The following FBXO39 variants were observed in gnomAD, a reference collection of about 807,000 sequenced individuals.
FBXO39 encodes the protein F-box protein 39.
FBXO39 carries 22 observed loss-of-function variants against 36.6 expected under a neutral mutation model. The ratio of observed to expected loss-of-function variants is 0.60; its 90% confidence interval spans 0.43 to 0.86. The LOEUF is 0.86. Ranked by LOEUF, FBXO39 falls within the 40% of genes least tolerant of loss-of-function variation. FBXO39 has a pLI of 0.00. For missense variants in FBXO39, 536 were observed against 543.9 expected (o/e 0.99, Z 0.14); for synonymous variants, 206 against 205.8 (o/e 1.00, Z -0.01).
chr17:6,782,196 G>A (rs1976516688), intron 2 of FBXO39, among the ~76,000 whole-genome samples: 1 of 152,112 alleles, frequency 6.6e-6, no homozygotes, highest in African/African-American at 2.4e-5. Flanking sequence ...ATGCAATAGT[G>A]TTAAGTTGTC....
chr17:6,783,620 G>A (rs1461720607), intron 2 of FBXO39, among the ~76,000 whole-genome samples: 1 of 152,004 alleles, frequency 6.6e-6, no homozygotes, highest in Non-Finnish European at 1.5e-5. Flanking sequence ...CCTATAACGA[G>A]CAACTATATG....
chr17:6,787,591 GA>G lies in FBXO39; in HGVS notation c.*164del. 1 of 695,810 alleles carries G rather than the reference GA, an allele frequency of 1.4e-6. No homozygotes were observed. The highest frequency in any genetic ancestry group is 2.3e-6 in the Non-Finnish European group (1 of 430,234). 43.1% of individuals were successfully genotyped at this position (695,810 alleles called of 1,614,324 possible). Reference sequence around the variant, plus strand: ...ACATGACCAGCTCAGCAAAGGCTGAGACTGCCCATGACCTGAAGGCTCCAGG... The same window carrying G: ...ACATGACCAGCTCAGCAAAGGCTGAGCTGCCCATGACCTGAAGGCTCCAGG... On this transcript the variant is annotated 3_prime_UTR_variant, in exon 4 of 4. Coordinates refer to ENST00000321535, the MANE Select transcript of FBXO39 (RefSeq NM_153230.3).
At position 6,780,667 on chromosome 17, in the gene FBXO39, G is replaced by T; in HGVS notation, c.799G>T (p.Val267Phe). The T allele has an allele frequency of 3.1e-6, 5 of 1,614,152 alleles. No individual in the cohort carries two copies. Among genetic ancestry groups the T allele is most frequent in the Non-Finnish European group, 4.2e-6 (5 of 1,180,042 alleles). Reference sequence around the variant, plus strand: ...CCACGTTCATGACCCCCACGGACAGGTCATCTGGGGTATGTCCTGGGCCAA... The same window carrying T: ...CCACGTTCATGACCCCCACGGACAGTTCATCTGGGGTATGTCCTGGGCCAA... ...KCHVHDPHGQ[V>F]IWGMSWAKLA... The change falls in exon 2 of 4, where the codon GTC (valine) becomes TTC (phenylalanine). Residue 267 changes from valine (V) to phenylalanine (F), a missense_variant. By Grantham distance (50) the Val-to-Phe change is conservative. Transcript: ENST00000321535.
At chr17:6,787,150 C>T (rs1416055645) in intron 3 of FBXO39, 150 bp from the exon 4 acceptor site, 10 of 1,367,892 alleles carry the variant, frequency 7.3e-6, no homozygotes, top group African/African-American at 1.5e-5. Flanking sequence ...ATTCTGCCAA[C>T]ATATTTTCCT....
rs1223419376 is a variant in FBXO39 at position 6,780,092 on chromosome 17, T to C, written c.224T>C (p.Val75Ala). ...CCTTCCAGGGTACATGCATCTGAAGTTGAGTCAGCTGTTTGGTATGTTAAG... is the reference window on the plus strand; with the variant it reads ...CCTTCCAGGGTACATGCATCTGAAGCTGAGTCAGCTGTTTGGTATGTTAAG... Reference protein sequence around the residue: ...GRPSRVHASEVESAVWYVKKF... With the variant: ...GRPSRVHASEAESAVWYVKKF... The change falls in exon 2 of 4, where the codon GTT (valine) becomes GCT (alanine). Residue 75 changes from valine (V) to alanine (A), a missense_variant. Transcript: ENST00000321535. 3.1e-6 allele frequency: 5 copies of C among 1,614,034 alleles called. No individual in the cohort carries two copies. In the South Asian group the frequency reaches 3.3e-5, roughly 11 times the overall value.
Position 6,780,559 on chromosome 17 carries a change from C to G in FBXO39, c.691C>G (p.Leu231Val). The change falls in exon 2 of 4, where the codon CTC (leucine) becomes GTC (valine). Residue 231 changes from leucine to valine, a missense_variant. Leu to Val is a conservative substitution (Grantham distance 32, BLOSUM62 1). Coordinates refer to ENST00000321535, the MANE Select transcript of FBXO39 (RefSeq NM_153230.3). ...STFHNLVSLN[L>V]NYNCISDELL... is the part of the protein sequence containing the mutation. ...ATTCCACAATCTTGTGTCCCTGAAC[C>G]TCAACTACAACTGTATCTCCGACGA... 6.2e-7 allele frequency: 1 copy of G among 1,614,044 alleles called. No homozygotes were observed. The highest frequency in any genetic ancestry group is 8.5e-7 in the Non-Finnish European group (1 of 1,180,024).
intron 1 of FBXO39, among the ~76,000 whole-genome samples, chr17:6,777,140 A>G (rs6502982): frequency 0.44 from 66,563 of 151,716 alleles, 15,933 homozygotes; most frequent in African/African-American, 0.64. Context: ...TGTGCAGAAC[A>G]TGCAGGTTTG....
intron 2 of FBXO39, among the ~76,000 whole-genome samples, chr17:6,783,490 A>G (rs2099713874): frequency 6.6e-6 from 1 of 151,998 alleles, no homozygotes; most frequent in Non-Finnish European, 1.5e-5. Context: ...AAAATAAACA[A>G]AATTAACAAA....
Position 6,786,867 on chromosome 17 carries a change from T to C in FBXO39, c.1111T>C (p.Phe371Leu), listed in dbSNP as rs1200076502. 2.2e-5 allele frequency: 36 copies of C among 1,613,996 alleles called. No individual in the cohort carries two copies. Among genetic ancestry groups the C allele is most frequent in the Non-Finnish European group, 3.0e-5 (35 of 1,180,004 alleles). ...CATATCCTGCAGGAAGTTGTTTTAC[T>C]TCAAAATCTGGGCTTTCCTTGATGT... ...LIISCRKLFY[F>L]KIWAFLDVSF... The change falls in exon 3 of 4, where the codon TTC (phenylalanine) becomes CTC (leucine). Residue 371 changes from phenylalanine (F) to leucine (L), a missense_variant. Transcript: ENST00000321535.
chr17:6,787,610 G>A lies in FBXO39; in HGVS notation c.*182G>A. On this transcript the variant is annotated 3_prime_UTR_variant, in exon 4 of 4. Transcript: ENST00000321535. Reference sequence around the variant, plus strand: ...GGCTGAGACTGCCCATGACCTGAAGGCTCCAGGTGGCTTTAAAGCGCTATG... The same window carrying A: ...GGCTGAGACTGCCCATGACCTGAAGACTCCAGGTGGCTTTAAAGCGCTATG... The A allele has an allele frequency of 1.8e-6, 1 of 569,640 alleles. No homozygotes were observed. The highest frequency in any genetic ancestry group is 3.1e-5 in the Admixed American group (1 of 32,118). The allele number at this position is 569,640 out of a possible 1,614,324, so 35.3% of individuals were successfully genotyped here. A position where few individuals can be genotyped will look rare whatever the true frequency, so the allele number is the denominator to read the frequency against.
intron 1 of FBXO39, among the ~76,000 whole-genome samples, chr17:6,778,437 A>T (rs190362945): frequency 1.2e-4 from 18 of 152,314 alleles, no homozygotes; most frequent in African/African-American, 3.8e-4. Flanking sequence ...AGTACAGAAG[A>T]AAGAGTCAAA....
intron 2 of FBXO39, among the ~76,000 whole-genome samples, chr17:6,785,026 GA>G (rs1976553842): frequency 6.7e-6 from 1 of 149,678 alleles, no homozygotes; most frequent in African/African-American, 2.5e-5. Context: ...CAAAACTGTA[GA>G]AACCACATTA....
Position 6,779,917 on chromosome 17 carries a change from G to C in FBXO39, c.49G>C (p.Ala17Pro). 1 of 1,614,194 alleles carries C rather than the reference G, an allele frequency of 6.2e-7. No individual in the cohort carries two copies. Among genetic ancestry groups the C allele is most frequent in the Non-Finnish European group, 8.5e-7 (1 of 1,180,038 alleles). Reference sequence around the variant, plus strand: ...CCAGCCCCAAGACCAGAGCTGCTGGGCCTTTCTGCCCGATTTGTGTCTGTG... The same window carrying C: ...CCAGCCCCAAGACCAGAGCTGCTGGCCCTTTCTGCCCGATTTGTGTCTGTG... ...LIQPQDQSCW[A>P]FLPDLCLCRV... The change falls in exon 2 of 4, where the codon GCC becomes CCC. Residue 17 changes from alanine (A) to proline (P), a missense_variant. Coordinates refer to ENST00000321535, the MANE Select transcript of FBXO39 (RefSeq NM_153230.3).
Position 6,779,508 on chromosome 17 carries a change from A to G in FBXO39, c.-80-281A>G, listed in dbSNP as rs117386642. 1.1e-4 allele frequency among the ~76,000 whole-genome samples: 16 copies of G among 152,210 alleles called. No homozygotes were observed. The East Asian group carries it at 2.5e-3, about 24-fold the overall frequency. The stretch of plus-strand genomic sequence containing the variant: ...GCAGCCCTCTCTACTTCCAAACACT[A>G]TATTTAGTCAAACAGAGTAAGTCAC... On this transcript the variant is annotated intron_variant, in intron 1 of 3. Coordinates refer to ENST00000321535, the MANE Select transcript of FBXO39 (RefSeq NM_153230.3).
intron 2 of FBXO39, among the ~76,000 whole-genome samples, chr17:6,783,802 C>T (rs1244860491): frequency 2.0e-5 from 3 of 152,036 alleles, no homozygotes; most frequent in African/African-American, 7.2e-5. Context: ...GATGGCTGTA[C>T]TGCTGAATTT....
At chr17:6,781,021 C>A in intron 2 of FBXO39, 130 bp downstream of exon 2, 1 of 1,007,624 alleles carries the variant, frequency 9.9e-7, no homozygotes, top group Non-Finnish European at 1.4e-6. Context: ...CTAGGAAATA[C>A]CACCAACTAA....
intron 2 of FBXO39, among the ~76,000 whole-genome samples, chr17:6,781,633 A>G (rs1191741628): frequency 6.6e-6 from 1 of 152,204 alleles, no homozygotes; most frequent in Non-Finnish European, 1.5e-5. Context: ...TTGAGGTTCA[A>G]TGACCAGCCC....
rs763737793 is a variant in FBXO39 at position 6,780,206 on chromosome 17, G to A, written c.338G>A (p.Arg113Gln). Reference protein sequence around the residue: ...VLTKKFQVTMRGLLSCLSKSN... With the variant: ...VLTKKFQVTMQGLLSCLSKSN... ...ACCAAGAAGTTCCAGGTCACCATGC[G>A]GGGCCTCCTGTCTTGTCTGAGTAAG... Residue 113 changes from arginine (R) to glutamine (Q), a missense_variant, in exon 2 of 4, where the codon CGG (arginine) becomes CAG (glutamine). By Grantham distance (43) the Arg-to-Gln change is conservative. Coordinates refer to ENST00000321535, the MANE Select transcript of FBXO39 (RefSeq NM_153230.3). The A allele has an allele frequency of 2.8e-5, 45 of 1,614,022 alleles. No individual in the cohort carries two copies. Among genetic ancestry groups the A allele is most frequent in the East Asian group, 6.7e-5 (3 of 44,900 alleles).
At chr17:6,786,210 T>A (rs1162002485) in intron 2 of FBXO39, among the ~76,000 whole-genome samples, 1 of 152,242 alleles carries the variant, frequency 6.6e-6, no homozygotes, top group Non-Finnish European at 1.5e-5. Context: ...TAGATGCAAC[T>A]GAGGTTGTTA....
Sources: gnomAD v4.1 joint callset for allele counts (sites outside exome capture counted in the v4.1 genomes callset) on GRCh38, gnomAD v4.1.1 for gene constraint, MANE v1.5 for transcripts, NCBI Gene and HGNC (gene_info 2026-07-23, HGNC 2026-07-21) for gene names.